LRMDA: variants seen among roughly 807,000 people sequenced by gnomAD.
LRMDA encodes the protein leucine rich melanocyte differentiation associated.
In LRMDA, 18 loss-of-function variants were observed where a neutral mutation model predicts 29.8. The ratio of observed to expected loss-of-function variants is 0.60; its 90% CI spans 0.42 to 0.90. The LOEUF is 0.90. Ranked by LOEUF, LRMDA falls within the 40% of genes least tolerant of loss-of-function variation. LRMDA has a pLI of 0.00. For missense variants in LRMDA, 273 were observed against 273.9 expected, an observed-to-expected ratio of 1.00 and a Z score of 0.02; for synonymous variants, 125 against 109.4, an observed-to-expected ratio of 1.14 and a Z score of -0.89.
intron 6 of LRMDA, among the ~76,000 whole-genome samples, chr10:76,401,421 G>GT (rs1312572383): frequency 3.3e-5 from 5 of 152,176 alleles, no homozygotes; most frequent in African/African-American, 1.2e-4. Context: ...TGTTCTTGGG[G>GT]TTTTATGTTT....
intron 2 of LRMDA, among the ~76,000 whole-genome samples, chr10:75,584,852 T>C (rs991131679): frequency 6.6e-6 from 1 of 152,186 alleles, no homozygotes; most frequent in Non-Finnish European, 1.5e-5. Context: ...CAAAGAATCA[T>C]TTGGACATGT....
chr10:76,317,636 C>T (rs1012270935), intron 5 of LRMDA, among the ~76,000 whole-genome samples: 2 of 152,272 alleles, frequency 1.3e-5, no homozygotes, highest in East Asian at 1.9e-4. Context: ...TGCAGTGGCA[C>T]ATTCTCAGCT....
chr10:76,427,928 C>A (rs1431833709), intron 6 of LRMDA, among the ~76,000 whole-genome samples: 1 of 152,130 alleles, frequency 6.6e-6, no homozygotes, highest in Non-Finnish European at 1.5e-5. Flanking sequence ...ATATGTTGAA[C>A]CAGCCTTGCA....
At chr10:75,986,035 G>C (rs4644597) in intron 2 of LRMDA, among the ~76,000 whole-genome samples, 101,506 of 152,054 alleles carry the variant, frequency 0.67, 33,894 homozygotes, top group South Asian at 0.72. Context: ...CCCTTTTATT[G>C]TAGGCTTTAG....
At chr10:75,755,981 G>A (rs1223478353) in intron 2 of LRMDA, among the ~76,000 whole-genome samples, 1 of 152,218 alleles carries the variant, frequency 6.6e-6, no homozygotes, top group African/African-American at 2.4e-5. Flanking sequence ...TTGTAGAGGA[G>A]CAAGAGTGGA....
intron 5 of LRMDA, chr10:76,260,791 C>T (rs1360514378): frequency 6.6e-6 from 1 of 152,156 alleles, no homozygotes; most frequent in African/African-American, 2.4e-5. Flanking sequence ...GCACCCTTTT[C>T]CTTCTCTGAA....
At position 76,273,287 on chromosome 10, in the gene LRMDA, T is replaced by G. The variant is rs1840090173; in HGVS notation, c.517-51114T>G. Among the ~76,000 whole-genome samples the G allele has an allele frequency of 2.6e-5, 4 of 152,200 alleles. No individual in the cohort carries two copies. The South Asian group carries it at 8.3e-4, about 31-fold the overall frequency. On this transcript the variant is annotated intron_variant, in intron 5 of 6. Coordinates refer to ENST00000611255, the MANE Select transcript of LRMDA (RefSeq NM_001305581.2). ...CATTAGATCTAAAAACGGTGCATCC[T>G]TGGATTCCTTTTGTTGAATTTTGTG...
chr10:75,699,904 A>G (rs773173467), intron 2 of LRMDA, among the ~76,000 whole-genome samples: 2 of 152,160 alleles, frequency 1.3e-5, no homozygotes, highest in African/African-American at 2.4e-5. Flanking sequence ...AGAAGAGGAA[A>G]AGGCATTTGT....
intron 2 of LRMDA, among the ~76,000 whole-genome samples, chr10:75,980,317 AG>A (rs1847144376): frequency 6.6e-6 from 1 of 152,222 alleles, no homozygotes; most frequent in Non-Finnish European, 1.5e-5. Flanking sequence ...TGATCAGTCA[AG>A]GGCCCTGCTC....
intron 2 of LRMDA, among the ~76,000 whole-genome samples, chr10:75,754,938 G>A (rs1843013016): frequency 6.6e-6 from 1 of 151,852 alleles, no homozygotes; most frequent in Non-Finnish European, 1.5e-5. Context: ...ATGGAAAACA[G>A]TCTTGTGTAT....
intron 2 of LRMDA, among the ~76,000 whole-genome samples, chr10:75,744,385 G>A (rs1415643416): frequency 6.6e-6 from 1 of 152,226 alleles, no homozygotes; most frequent in African/African-American, 2.4e-5. Flanking sequence ...GTCTAGACAT[G>A]TATCATAAAA....
intron 4 of LRMDA, among the ~76,000 whole-genome samples, chr10:76,050,645 G>A (rs1848515251): frequency 6.6e-6 from 1 of 152,218 alleles, no homozygotes; most frequent in Non-Finnish European, 1.5e-5. Flanking sequence ...ATTTGGGCAG[G>A]AAGAGAACAG....
intron 5 of LRMDA, among the ~76,000 whole-genome samples, chr10:76,187,648 T>C (rs575588640): frequency 1.8e-4 from 27 of 152,284 alleles, no homozygotes; most frequent in Non-Finnish European, 2.9e-4. Flanking sequence ...TTGAACTCAA[T>C]GGATGTTATT....
At chr10:76,277,502 AG>A (rs1444872192) in intron 5 of LRMDA, among the ~76,000 whole-genome samples, 1 of 152,290 alleles carries the variant, frequency 6.6e-6, no homozygotes, top group South Asian at 2.1e-4. Context: ...GTTGTTTTAT[AG>A]CATAAAGCTA....
chr10:76,535,207 G>A (rs1843277476), intron 6 of LRMDA, among the ~76,000 whole-genome samples: 1 of 152,128 alleles, frequency 6.6e-6, no homozygotes, highest in South Asian at 2.1e-4. Flanking sequence ...ATTTTGTAAT[G>A]CAAATTAAAC....
intron 5 of LRMDA, among the ~76,000 whole-genome samples, chr10:76,131,663 GT>G (rs200365082): frequency 0.03 from 4,442 of 146,482 alleles, 178 homozygotes; most frequent in African/African-American, 0.099. Context: ...TATTTTGATG[GT>G]TTTTTTTTTT....
intron 6 of LRMDA, among the ~76,000 whole-genome samples, chr10:76,494,457 C>T (rs1402484903): frequency 6.6e-6 from 1 of 151,510 alleles, no homozygotes; most frequent in African/African-American, 2.4e-5. Flanking sequence ...ATTTCCATAG[C>T]ATGATGTCAC....
chr10:76,363,176 A>AGAAAGAAGGGAGGGAG lies in LRMDA; in HGVS notation c.601+38692_601+38693insAAAGAAGGGAGGGAGG, dbSNP rs1459442138. Among the ~76,000 whole-genome samples, 20 of 21,794 alleles carry AGAAAGAAGGGAGGGAG rather than the reference A, an allele frequency of 9.2e-4. 3 individuals are homozygous for AGAAAGAAGGGAGGGAG. The highest frequency in any genetic ancestry group is 1.6e-3 in the Non-Finnish European group (14 of 8,594). The allele number at this position is 21,794 out of a possible 152,430, so 14.3% of individuals were successfully genotyped here. On this transcript the variant is annotated intron_variant, in intron 6 of 6. Transcript: ENST00000611255. ...AAGAAAGAAAGAAAGAAAGAAAGAA[A>AGAAAGAAGGGAGGGAG]GGAGGGAGGGAGGGAGGGAGGGAGG... is the stretch of plus-strand genomic sequence containing the variant.
At chr10:76,475,296 G>C (rs1017576546) in intron 6 of LRMDA, among the ~76,000 whole-genome samples, 6 of 151,634 alleles carry the variant, frequency 4.0e-5, no homozygotes, top group African/African-American at 1.5e-4. Context: ...ATAAAGTTTT[G>C]AATATATATT....
Sources: allele counts gnomAD v4.1 joint callset (sites outside exome capture counted in the v4.1 genomes callset), GRCh38; gene constraint gnomAD v4.1.1; transcripts MANE v1.5; gene names NCBI Gene and HGNC (gene_info 2026-07-23, HGNC 2026-07-21).